KCNN2: variants seen among roughly 807,000 people sequenced by gnomAD.
The protein encoded by KCNN2 is potassium calcium-activated channel subfamily N member 2, also known as small conductance calcium-activated potassium channel protein 2.
A neutral mutation model predicts 55.5 loss-of-function variants in KCNN2; 24 were observed. That is an observed-to-expected ratio of 0.43 (90% CI 0.31 to 0.61). The LOEUF (loss-of-function observed/expected upper bound fraction) is 0.61. Among genes scored for constraint, KCNN2 ranks in the 20% least tolerant of loss-of-function variants. The probability of loss-of-function intolerance (pLI) is 0.08; values close to 1 mark genes in which losing one functional copy is unlikely to be tolerated. For missense variants in KCNN2, 754 were observed against 853.6 expected, an observed-to-expected ratio of 0.88 and a Z score of 1.45; for synonymous variants, 431 against 336.1, an observed-to-expected ratio of 1.28 and a Z score of -3.09.
chr5:114,409,801 C>T (rs570473755), intron 3 of KCNN2, among the ~76,000 whole-genome samples: 2 of 152,046 alleles, frequency 1.3e-5, no homozygotes, highest in African/African-American at 4.8e-5. Context: ...GCATTTATTC[C>T]TTGTGGTATT....
chr5:114,450,101 C>T (rs1443650925), intron 3 of KCNN2, among the ~76,000 whole-genome samples: 3 of 152,206 alleles, frequency 2.0e-5, no homozygotes, highest in Non-Finnish European at 4.4e-5. Context: ...CCACACCGTT[C>T]TTTGCCTCTG....
chr5:114,145,979 T>C (rs1752390796), intron 1 of KCNN2, among the ~76,000 whole-genome samples: 1 of 152,160 alleles, frequency 6.6e-6, no homozygotes, highest in South Asian at 2.1e-4. Context: ...AGCAAATTTC[T>C]CTGTCTCGTT....
At chr5:114,248,553 A>G (rs552158563) in intron 2 of KCNN2, among the ~76,000 whole-genome samples, 2 of 152,276 alleles carry the variant, frequency 1.3e-5, no homozygotes, top group East Asian at 3.9e-4. Flanking sequence ...TTACTTTTGC[A>G]AGAAGTTAGG....
At chr5:114,376,246 C>T (rs528756915) in intron 2 of KCNN2, among the ~76,000 whole-genome samples, 1 of 152,060 alleles carries the variant, frequency 6.6e-6, no homozygotes, top group African/African-American at 2.4e-5. Flanking sequence ...CAAGTAGCCA[C>T]AGAAGGAAAG....
chr5:114,494,312 T>C (rs1240319819), intron 7 of KCNN2, among the ~76,000 whole-genome samples: 1 of 151,280 alleles, frequency 6.6e-6, no homozygotes, highest in African/African-American at 2.4e-5. Context: ...TCAAGTATAA[T>C]CCATAAAAAT....
intron 3 of KCNN2, among the ~76,000 whole-genome samples, chr5:114,408,848 AT>A (rs1339064169): frequency 6.6e-6 from 1 of 152,232 alleles, no homozygotes; most frequent in East Asian, 1.9e-4. Flanking sequence ...GCTGTGCCAC[AT>A]TCGCTTAGCA....
chr5:114,232,413 C>T (rs1754380771), intron 2 of KCNN2, among the ~76,000 whole-genome samples: 1 of 151,040 alleles, frequency 6.6e-6, no homozygotes, highest in Admixed American at 6.6e-5. Context: ...AAAATAAAAA[C>T]TAAATAATCA....
At chr5:114,339,145 T>C (rs1756974051) in intron 2 of KCNN2, among the ~76,000 whole-genome samples, 1 of 152,164 alleles carries the variant, frequency 6.6e-6, no homozygotes, top group East Asian at 1.9e-4. Context: ...TCACAAAGGT[T>C]CCCTAAGAAA....
intron 1 of KCNN2, among the ~76,000 whole-genome samples, chr5:114,142,466 T>A (rs62382863): frequency 0.13 from 19,703 of 152,086 alleles, 1,669 homozygotes; most frequent in African/African-American, 0.24. Context: ...ATATTTAGAA[T>A]ACGCCATCAT....
intron 1 of KCNN2, among the ~76,000 whole-genome samples, chr5:114,162,409 C>A (rs942122251): frequency 1.3e-5 from 2 of 152,164 alleles, no homozygotes; most frequent in African/African-American, 2.4e-5. Context: ...TCAGTCCGCC[C>A]CTACTGGGGG....
At chr5:114,206,798 TCA>T (rs1468246002) in intron 1 of KCNN2, among the ~76,000 whole-genome samples, 1 of 151,476 alleles carries the variant, frequency 6.6e-6, no homozygotes, top group Admixed American at 6.6e-5. Context: ...ATTAAAATGG[TCA>T]CAGTCTCAGA....
intron 2 of KCNN2, among the ~76,000 whole-genome samples, chr5:114,228,481 A>AT (rs1434644482): frequency 6.6e-6 from 1 of 152,056 alleles, no homozygotes; most frequent in Non-Finnish European, 1.5e-5. Context: ...CATCTATCTA[A>AT]TTTTTTGAAA....
chr5:114,173,584 T>C (rs556555523), intron 1 of KCNN2, among the ~76,000 whole-genome samples: 2 of 151,978 alleles, frequency 1.3e-5, no homozygotes, highest in East Asian at 1.9e-4. Flanking sequence ...CTTTGGGTAG[T>C]AGGAGCATTT....
upstream of KCNN2, among the ~76,000 whole-genome samples, chr5:114,358,877 G>A (rs72799679): frequency 0.037 from 5,646 of 152,218 alleles, 138 homozygotes; most frequent in Non-Finnish European, 0.052. Context: ...CTTAAAATTT[G>A]TTGACTTTAT....
chr5:114,075,795 C>CT (rs1750674777), intron 1 of KCNN2, among the ~76,000 whole-genome samples: 3 of 152,138 alleles, frequency 2.0e-5, no homozygotes, highest in Admixed American at 2.0e-4. Flanking sequence ...TTGTCTTTTG[C>CT]TATGCTGCAG....
intron 1 of KCNN2, among the ~76,000 whole-genome samples, chr5:114,133,267 GA>G (rs1159312981): frequency 6.6e-6 from 1 of 152,014 alleles, no homozygotes; most frequent in African/African-American, 2.4e-5. Flanking sequence ...ATACACTAGA[GA>G]ATAGGCTGAT....
chr5:114,166,079 A>C (rs1006438207), intron 1 of KCNN2, among the ~76,000 whole-genome samples: 1 of 152,118 alleles, frequency 6.6e-6, no homozygotes, highest in Admixed American at 6.6e-5. Flanking sequence ...TTTAGTAGAA[A>C]TGGGGTTTCA....
intron 5 of KCNN2, among the ~76,000 whole-genome samples, chr5:114,480,612 C>T (rs1762182576): frequency 6.6e-6 from 1 of 152,236 alleles, no homozygotes; most frequent in South Asian, 2.1e-4. Context: ...ATGAAAAAAT[C>T]CTCAATAAAA....
At chr5:114,334,137 T>C (rs1170827525) in intron 2 of KCNN2, among the ~76,000 whole-genome samples, 1 of 152,236 alleles carries the variant, frequency 6.6e-6, no homozygotes, top group Non-Finnish European at 1.5e-5. Flanking sequence ...CCAGTCTTTT[T>C]ACCAACCCAT....
Sources: gnomAD v4.1 joint callset for allele counts (sites outside exome capture counted in the v4.1 genomes callset) on GRCh38, gnomAD v4.1.1 for gene constraint, MANE v1.5 for transcripts, NCBI Gene and HGNC (gene_info 2026-07-23, HGNC 2026-07-21) for gene names.